AFAP1: variants seen among roughly 807,000 people sequenced by gnomAD.
The protein encoded by AFAP1 is actin filament associated protein 1.
A neutral mutation model predicts 93.9 loss-of-function variants in AFAP1; 75 were observed. The ratio of observed to expected loss-of-function variants is 0.80; its 90% CI spans 0.66 to 0.97. The LOEUF is 0.97. Ranked by LOEUF, AFAP1 falls within the 50% of genes least tolerant of loss-of-function variation. The pLI, the probability that AFAP1 is intolerant of heterozygous loss-of-function variation, is 0.00. For synonymous variants in AFAP1, 517 were observed against 430.7 expected (o/e 1.20, Z -2.48); for missense variants, 1,201 against 1,050.8 (o/e 1.14, Z -1.98).
At position 7,809,638 on chromosome 4, in the gene AFAP1, C is replaced by G. The variant is rs773771603; in HGVS notation, c.1030G>C (p.Ala344Pro). ...CCGCAGGTGGGAACATCTTCCTCAG[C>G]TGAGGAGGTCTGCTCGTCTGTGGAC... ...KPSTDEQTSS[A>P]EEDVPTCGYL... The change falls in exon 9 of 18, where the codon GCT becomes CCT. Residue 344 changes from alanine (A) to proline (P), a missense_variant. Coordinates refer to ENST00000420658, the MANE Select transcript of AFAP1 (RefSeq NM_001134647.2). The G allele has an allele frequency of 3.1e-6, 5 of 1,613,552 alleles. No homozygotes were observed. Among genetic ancestry groups the G allele is most frequent in the Admixed American group, 3.3e-5 (2 of 59,918 alleles).
rs1232325696 is a variant in AFAP1, at chr4:7,843,169, C to T, written c.516G>A (p.Leu172=). 6.8e-6 allele frequency: 11 copies of T among 1,614,066 alleles called. No individual in the cohort carries two copies. The highest frequency in any genetic ancestry group is 9.3e-6 in the Non-Finnish European group (11 of 1,180,048). The change falls in exon 5 of 18, where the codon TTG becomes TTA. Residue 172 remains leucine (L), a synonymous_variant. Coordinates refer to ENST00000420658, the MANE Select transcript of AFAP1 (RefSeq NM_001134647.2). Reference sequence around the variant, plus strand: ...GTTTGGTGTCTTTGATGACGCAGAGCAACTTGGTCCACTGGCCGAACCGCT... The same window carrying T: ...GTTTGGTGTCTTTGATGACGCAGAGTAACTTGGTCCACTGGCCGAACCGCT... ...RKKRFGQWTK[L]LCVIKDTKLL...
chr4:7,857,858 C>T lies in AFAP1; in HGVS notation c.226-2284G>A, dbSNP rs528395245. Among the ~76,000 whole-genome samples the T allele has an allele frequency of 6.6e-5, 10 of 151,422 alleles. No homozygotes were observed. The East Asian group carries it at 1.5e-3, about 22-fold the overall frequency. ...CTCAGTGCCCCAAGGAACTTACTCT[C>T]TGAATCGATGGGGTTCTGAGCAGAC... On this transcript the variant is annotated intron_variant, in intron 3 of 17. Transcript: ENST00000420658.
At chr4:7,818,234 G>A (rs1406015902) in intron 7 of AFAP1, among the ~76,000 whole-genome samples, 2 of 152,308 alleles carry the variant, frequency 1.3e-5, no homozygotes, top group South Asian at 4.1e-4. Flanking sequence ...CACTTCACCT[G>A]CACCATCGGC....
At chr4:7,875,314 T>G (rs1359227361) in intron 1 of AFAP1, among the ~76,000 whole-genome samples, 4 of 152,134 alleles carry the variant, frequency 2.6e-5, no homozygotes, top group Non-Finnish European at 5.9e-5. Flanking sequence ...TAAATGAGCT[T>G]AAGTAGGTGG....
intron 6 of AFAP1, among the ~76,000 whole-genome samples, chr4:7,836,115 G>T (rs867131783): frequency 3.1e-4 from 47 of 151,946 alleles, no homozygotes; most frequent in African/African-American, 9.4e-4. Context: ...AATCAAAGTG[G>T]ATCAAAAATC....
At chr4:7,847,793 C>CCGT (rs1553845890) in intron 4 of AFAP1, among the ~76,000 whole-genome samples, 1 of 102,004 alleles carries the variant, frequency 9.8e-6, no homozygotes, top group Non-Finnish European at 2.2e-5. Flanking sequence ...CAGGGGTACT[C>CCGT]GGGGTGGGGC....
At position 7,773,081 on chromosome 4, in the gene AFAP1, G is replaced by GTCCCC. The variant is rs934822387; in HGVS notation, c.2063-76_2063-72dup. 28 of 1,516,336 alleles carry GTCCCC rather than the reference G, an allele frequency of 1.8e-5. No homozygotes were observed. The Admixed American group carries it at 3.7e-4, about 20-fold the overall frequency. 93.9% of individuals were successfully genotyped at this position (1,516,336 alleles called of 1,614,324 possible). On this transcript the variant is annotated intron_variant, in intron 15 of 17. Transcript: ENST00000420658. ...CTCCAAACAACAGAGAAGGCACCTG[G>GTCCCC]TCCCCAAGAAGAACTTCCACAAAAC...
At chr4:7,774,603 A>C in intron 15 of AFAP1, 136 bp downstream of exon 15, 1 of 1,304,072 alleles carries the variant, frequency 7.7e-7, no homozygotes, top group African/African-American at 1.5e-5. Flanking sequence ...GCCCCAAGAA[A>C]CACTGTGAGA....
chr4:7,776,476 T>C (rs1716141725), intron 14 of AFAP1: 1 of 152,196 alleles, frequency 6.6e-6, no homozygotes, highest in Admixed American at 6.5e-5. Context: ...CCTGATGTAG[T>C]GGACATTCAC....
chr4:7,774,798 C>G lies in AFAP1; in HGVS notation c.2003G>C (p.Arg668Thr), dbSNP rs775930390. 1.9e-6 allele frequency: 3 copies of G among 1,614,234 alleles called. No individual in the cohort carries two copies. The South Asian group carries it at 3.3e-5, about 18-fold the overall frequency. ...TCTTTCCTTGCGGAGCTGGGCCAGC[C>G]TATTCCGCAGGGCCTCTTTCCTCTT... is the stretch of plus-strand genomic sequence containing the variant. ...LLKRKEALRN[R>T]LAQLRKERKD... The change falls in exon 15 of 18, where the codon AGG (arginine) becomes ACG (threonine). Residue 668 changes from arginine to threonine, a missense_variant. Coordinates refer to ENST00000420658, the MANE Select transcript of AFAP1 (RefSeq NM_001134647.2).
intron 6 of AFAP1, among the ~76,000 whole-genome samples, chr4:7,834,128 C>CACACACACACACACACACATAT (rs756961714): frequency 8.4e-6 from 1 of 119,426 alleles, no homozygotes. Context: ...CACACACACA[C>CACACACACACACACACACATAT]ATATATACAA....
intron 1 of AFAP1, among the ~76,000 whole-genome samples, chr4:7,910,294 G>C (rs541526837): frequency 1.3e-5 from 2 of 152,102 alleles, no homozygotes; most frequent in Non-Finnish European, 2.9e-5. Context: ...AAAGACTGGG[G>C]AATTCCAGTC....
At chr4:7,929,849 A>T (rs1720965631) in intron 1 of AFAP1, among the ~76,000 whole-genome samples, 1 of 152,230 alleles carries the variant, frequency 6.6e-6, no homozygotes, top group Non-Finnish European at 1.5e-5. Flanking sequence ...CTGCCCTGCC[A>T]ATCCGGAGGT....
chr4:7,840,441 G>C (rs1199913581), intron 5 of AFAP1, among the ~76,000 whole-genome samples: 2 of 151,212 alleles, frequency 1.3e-5, no homozygotes, highest in Non-Finnish European at 2.9e-5. Context: ...AGCCTCCTGA[G>C]TAACTGGGAG....
chr4:7,924,930 C>T (rs1167908621), intron 1 of AFAP1, among the ~76,000 whole-genome samples: 1 of 152,174 alleles, frequency 6.6e-6, no homozygotes, highest in African/African-American at 2.4e-5. Context: ...AAGCCAAATA[C>T]GCCCCTAACC....
rs540977294 is a variant in AFAP1 at position 7,922,244 on chromosome 4, T to A, written c.-3+17412A>T. On this transcript the variant is annotated intron_variant, in intron 1 of 17. Coordinates refer to ENST00000420658, the MANE Select transcript of AFAP1 (RefSeq NM_001134647.2). ...ACATATTCAAAATATACGACTATAGTACATATTTTCAATGTAACTATGAAA... is the reference window on the plus strand; with the variant it reads ...ACATATTCAAAATATACGACTATAGAACATATTTTCAATGTAACTATGAAA... Among the ~76,000 whole-genome samples the A allele has an allele frequency of 2.0e-5, 3 of 152,342 alleles. No individual in the cohort carries two copies. In the East Asian group the frequency reaches 5.8e-4, roughly 29 times the overall value.
At chr4:7,872,939 T>TAAAA (rs1181240219) in intron 1 of AFAP1, among the ~76,000 whole-genome samples, 27 of 109,998 alleles carry the variant, frequency 2.5e-4, no homozygotes, top group African/African-American at 7.8e-4. Flanking sequence ...TTTTTTTTTT[T>TAAAA]AAAAAAAAAA....
At chr4:7,861,375 AT>A (rs1715657917) in intron 3 of AFAP1, among the ~76,000 whole-genome samples, 1 of 152,196 alleles carries the variant, frequency 6.6e-6, no homozygotes. Context: ...GGATAATAAA[AT>A]TTTATAGTTT....
chr4:7,815,344 C>T (rs1560176101), intron 8 of AFAP1, among the ~76,000 whole-genome samples: 1 of 152,096 alleles, frequency 6.6e-6, no homozygotes, highest in Non-Finnish European at 1.5e-5. Flanking sequence ...GATGACAGTA[C>T]AATATAAATG....
Sources: allele counts gnomAD v4.1 joint callset (sites outside exome capture counted in the v4.1 genomes callset), GRCh38; gene constraint gnomAD v4.1.1; transcripts MANE v1.5; gene names NCBI Gene and HGNC (gene_info 2026-07-23, HGNC 2026-07-21).